Variants in BAHCC1 observed in about 807,000 individuals in gnomAD.
The protein encoded by BAHCC1 is BAH and coiled-coil domain-containing protein 1.
In BAHCC1, 43 loss-of-function variants were observed where a neutral mutation model predicts 88.2. The ratio of observed to expected loss-of-function variants is 0.49; its 90% CI spans 0.38 to 0.63. The LOEUF (loss-of-function observed/expected upper bound fraction) is 0.63, where lower values mean the gene tolerates loss of function less well. Ranked by LOEUF, BAHCC1 falls within the 20% of genes least tolerant of loss-of-function variation. BAHCC1 has a pLI of 0.00. For synonymous variants in BAHCC1, 1,510 were observed against 745.5 expected, an observed-to-expected ratio of 2.03 and a Z score of -16.71; for missense variants, 3,023 against 1,654.8, an observed-to-expected ratio of 1.83 and a Z score of -14.34.
chr17:81,414,684 G>C (rs548852400), intron 2 of BAHCC1, among the ~76,000 whole-genome samples: 1 of 152,192 alleles, frequency 6.6e-6, no homozygotes, highest in South Asian at 2.1e-4. Context: ...GCTGGCCGTC[G>C]GGAGGGCCTG....
intron 2 of BAHCC1, among the ~76,000 whole-genome samples, chr17:81,421,486 G>A (rs1479899764): frequency 1.3e-5 from 2 of 152,232 alleles, no homozygotes; most frequent in Non-Finnish European, 1.5e-5. Context: ...AGCTGAGTGG[G>A]ATAGGGAGGG....
At chr17:81,417,994 G>A (rs925400200) in intron 2 of BAHCC1, among the ~76,000 whole-genome samples, 22 of 152,324 alleles carry the variant, frequency 1.4e-4, no homozygotes, top group Non-Finnish European at 2.9e-4. Context: ...CCCTGTGCCC[G>A]CCTCAGTCTC....
intron 16 of BAHCC1, among the ~76,000 whole-genome samples, chr17:81,456,828 C>A (rs1332829407): frequency 2.6e-5 from 4 of 152,040 alleles, no homozygotes; most frequent in African/African-American, 9.7e-5. Flanking sequence ...ATGTCAGGGC[C>A]GAAGGGGAAG....
chr17:81,414,994 G>C (rs994673215), intron 2 of BAHCC1, among the ~76,000 whole-genome samples: 1 of 152,136 alleles, frequency 6.6e-6, no homozygotes, highest in Non-Finnish European at 1.5e-5. Flanking sequence ...CCGCCCCGGC[G>C]TACTGTCCTC....
At position 81,443,866 on chromosome 17, in the gene BAHCC1, C is replaced by G; in HGVS notation, c.2273C>G (p.Thr758Arg). ...ALDLEAEEER[T>R]RLCDDRLGLA... ...GACCTGGAGGCTGAGGAGGAGAGGA[C>G]GAGGCTATGTGATGACCGCCTGGGG... Residue 758 changes from threonine (T) to arginine (R), a missense_variant, in exon 6 of 28, where the codon ACG becomes AGG. Physicochemically the swap from Thr to Arg is moderately conservative, Grantham distance 71. Transcript: ENST00000675386. 2.8e-6 allele frequency: 2 copies of G among 714,278 alleles called. No homozygotes were observed. The highest frequency in any genetic ancestry group is 5.2e-6 in the Non-Finnish European group (2 of 384,944). The allele number at this position is 714,278 out of a possible 1,614,324, so 44.2% of individuals were successfully genotyped here. A position where few individuals can be genotyped will look rare whatever the true frequency, so the allele number is the denominator to read the frequency against.
Position 81,446,526 on chromosome 17 carries a change from C to CTTTTTTTT in BAHCC1, c.3164-479_3164-472dup, listed in dbSNP as rs869297780. ...GGGCCTGGCCTCAGGCTGCTCACAC[C>CTTTTTTTT]TTTTTTTTTTTTTTTTTTTTTTTTT... On this transcript the variant is annotated intron_variant, in intron 10 of 27. Coordinates refer to ENST00000675386, the MANE Select transcript of BAHCC1 (RefSeq NM_001377448.1). 1.2e-4 allele frequency among the ~76,000 whole-genome samples: 6 copies of CTTTTTTTT among 49,224 alleles called. 1 individual carries two copies. The highest frequency in any genetic ancestry group is 2.9e-4 in the Admixed American group (1 of 3,464). 32.3% of individuals were successfully genotyped at this position (49,224 alleles called of 152,430 possible).
In BAHCC1 at chr17:81,445,610, G is replaced by C. The variant is rs782530130; in HGVS notation, c.3092G>C (p.Arg1031Pro). Residue 1031 changes from arginine to proline, a missense_variant, in exon 10 of 28, where the codon CGG becomes CCG. Physicochemically the swap from Arg to Pro is moderately radical, Grantham distance 103. Transcript: ENST00000675386. ...CPASSPGPGSRVRSAEEKNGE... is the reference protein window; with the variant it reads ...CPASSPGPGSPVRSAEEKNGE... ...GCCAGCAGCCCCGGGCCTGGCTCCC[G>C]GGTGCGCAGCGCCGAGGAAAAGAAT... 9.6e-6 allele frequency: 7 copies of C among 729,896 alleles called. No homozygotes were observed. The highest frequency in any genetic ancestry group is 1.8e-5 in the Non-Finnish European group (7 of 392,796). The allele number at this position is 729,896 out of a possible 1,614,324, so 45.2% of individuals were successfully genotyped here.
At chr17:81,402,780 C>G (rs1469863668) in intron 2 of BAHCC1, 1 of 152,272 alleles carries the variant, frequency 6.6e-6, no homozygotes, top group Non-Finnish European at 1.5e-5. Flanking sequence ...GGCTGCCTTT[C>G]CCCAACCCCA....
chr17:81,441,795 A>G, intron 4 of BAHCC1, 36 bp from the exon 5 acceptor site: 1 of 566,050 alleles, frequency 1.8e-6, no homozygotes, highest in Admixed American at 2.7e-5. Flanking sequence ...CCTCACCCCT[A>G]AGGCCTCCCA....
rs1399841349 is a variant in BAHCC1, at chr17:81,461,594, C to G, written c.6931C>G (p.Leu2311Val). 4 of 721,576 alleles carry G rather than the reference C, an allele frequency of 5.5e-6. No homozygotes were observed. Among genetic ancestry groups the G allele is most frequent in the Non-Finnish European group, 1.0e-5 (4 of 387,978 alleles). The allele number at this position is 721,576 out of a possible 1,614,324, so 44.7% of individuals were successfully genotyped here. A position where few individuals can be genotyped will look rare whatever the true frequency, so the allele number is the denominator to read the frequency against. Residue 2311 changes from leucine (L) to valine (V), a missense_variant, in exon 26 of 28, where the codon CTC becomes GTC. Physicochemically the swap from Leu to Val is conservative, Grantham distance 32 (BLOSUM62 1). Coordinates refer to ENST00000675386, the MANE Select transcript of BAHCC1 (RefSeq NM_001377448.1). ...GGCGGCCGGCGTGCCCTCCCGCTTC[C>G]TCGCCCGCCTGTCCGTGTCCTCTTC... ...GLAAGVPSRF[L>V]ARLSVSSSSS...
At chr17:81,446,323 C>T (rs1258402766) in intron 10 of BAHCC1, among the ~76,000 whole-genome samples, 1 of 151,518 alleles carries the variant, frequency 6.6e-6, no homozygotes, top group African/African-American at 2.4e-5. Context: ...ATGCCTCTGA[C>T]ATGCTGCCGG....
At chr17:81,418,703 G>A (rs1555649069) in intron 2 of BAHCC1, among the ~76,000 whole-genome samples, 1 of 152,172 alleles carries the variant, frequency 6.6e-6, no homozygotes, top group East Asian at 1.9e-4. Flanking sequence ...CCAGCTGTGT[G>A]GCTCCCATGC....
chr17:81,399,773 C>G lies in BAHCC1; in HGVS notation c.34C>G (p.Leu12Val), dbSNP rs1267700415. Residue 12 changes from leucine (L) to valine (V), a missense_variant, in exon 2 of 28, where the codon CTG (leucine) becomes GTG (valine). Physicochemically the swap from Leu to Val is conservative, Grantham distance 32. Transcript: ENST00000675386. This position sits in a 1 kb window ranked among gnomAD's most constrained non-coding sequence, Gnocchi z 4.5. ...CCGCGACTTTGCGCCGCCGCCGCAT[C>G]TGCTGTCGGAGCGCGGGAGCCTGGG... ...DGRDFAPPPH[L>V]LSERGSLGHR... 1.6e-6 allele frequency: 2 copies of G among 1,224,018 alleles called. No individual in the cohort carries two copies. Among genetic ancestry groups the G allele is most frequent in the Non-Finnish European group, 2.0e-6 (2 of 982,880 alleles). 75.8% of individuals were successfully genotyped at this position (1,224,018 alleles called of 1,614,324 possible). A position where few individuals can be genotyped will look rare whatever the true frequency, so the allele number is the denominator to read the frequency against.
At position 81,418,574 on chromosome 17, in the gene BAHCC1, C is replaced by G. The variant is rs137957317; in HGVS notation, c.179-8226C>G. Reference sequence around the variant, plus strand: ...CCAGGGCAGCTGTTCATCCCGGTGCCGCTTCAATGCCACCTTTTGCACAGC... The same window carrying G: ...CCAGGGCAGCTGTTCATCCCGGTGCGGCTTCAATGCCACCTTTTGCACAGC... On this transcript the variant is annotated intron_variant, in intron 2 of 27. Coordinates refer to ENST00000675386, the MANE Select transcript of BAHCC1 (RefSeq NM_001377448.1). 5.9e-5 allele frequency among the ~76,000 whole-genome samples: 9 copies of G among 152,250 alleles called. No individual in the cohort carries two copies. In the East Asian group the frequency reaches 1.5e-3, roughly 26 times the overall value.
intron 2 of BAHCC1, among the ~76,000 whole-genome samples, chr17:81,413,797 C>T (rs969661026): frequency 1.3e-5 from 2 of 152,236 alleles, no homozygotes; most frequent in Non-Finnish European, 2.9e-5. Flanking sequence ...GTGTACCAGC[C>T]GGGTTAAGGT....
In BAHCC1 at chr17:81,447,366, C is replaced by T. The variant is rs1555654798; in HGVS notation, c.3494C>T (p.Ala1165Val). ...CTGCAATGTGCGGCCCTCCTGGAGGCAGGGGGCCCCGAGGCCACCGGCCAG... is the reference window on the plus strand; with the variant it reads ...CTGCAATGTGCGGCCCTCCTGGAGGTAGGGGGCCCCGAGGCCACCGGCCAG... ...QELQCAALLE[A>V]GGPEATGQAH... is the part of the protein sequence containing the mutation. The change falls in exon 11 of 28, where the codon GCA becomes GTA. Residue 1165 changes from alanine to valine, a missense_variant. Coordinates refer to ENST00000675386, the MANE Select transcript of BAHCC1 (RefSeq NM_001377448.1). 2.7e-6 allele frequency: 2 copies of T among 737,434 alleles called. No homozygotes were observed. The highest frequency in any genetic ancestry group is 1.4e-5 in the South Asian group (1 of 68,982). The allele number at this position is 737,434 out of a possible 1,614,324, so 45.7% of individuals were successfully genotyped here.
At chr17:81,418,796 C>CGTGTGTGTGTGTGTGCGCGT (rs539655672) in intron 2 of BAHCC1, among the ~76,000 whole-genome samples, 1 of 144,800 alleles carries the variant, frequency 6.9e-6, no homozygotes, top group Non-Finnish European at 1.5e-5. Flanking sequence ...TACGTGTGTG[C>CGTGTGTGTGTGTGTGCGCGT]GTGTGTGTGT....
chr17:81,405,475 C>T (rs1555646695), intron 2 of BAHCC1, among the ~76,000 whole-genome samples: 2 of 152,110 alleles, frequency 1.3e-5, no homozygotes, highest in Non-Finnish European at 2.9e-5. Context: ...CCTCCTCTTC[C>T]TTGGCTGTTT....
chr17:81,413,071 C>T, intron 2 of BAHCC1: 1 of 422,308 alleles, frequency 2.4e-6, no homozygotes, highest in Non-Finnish European at 4.8e-6. Flanking sequence ...CACCAAGCGC[C>T]AATTACATAA....
Sources: allele counts gnomAD v4.1 joint callset (sites outside exome capture counted in the v4.1 genomes callset), GRCh38; gene constraint gnomAD v4.1.1; non-coding constraint Gnocchi (gnomAD v3.1); transcripts MANE v1.5; gene names NCBI Gene and HGNC (gene_info 2026-07-23, HGNC 2026-07-21).